The following PTPRT variants were observed in gnomAD, a reference collection of about 807,000 sequenced individuals.
The protein encoded by PTPRT is receptor-type tyrosine-protein phosphatase T.
A neutral mutation model predicts 176.8 loss-of-function variants in PTPRT; 56 were observed. The observed-to-expected ratio is 0.32, with a 90% confidence interval of 0.26 to 0.40. PTPRT has a LOEUF of 0.40. Among genes scored for constraint, PTPRT ranks in the 10% least tolerant of loss-of-function variants. PTPRT has a pLI of 1.00. For missense variants in PTPRT, 1,540 were observed against 1,908.2 expected (o/e 0.81, Z 3.60); for synonymous variants, 783 against 739.0 (o/e 1.06, Z -0.96).
chr20:42,206,590 C>A (rs571244171), intron 15 of PTPRT, among the ~76,000 whole-genome samples: 5 of 152,224 alleles, frequency 3.3e-5, no homozygotes, highest in African/African-American at 1.2e-4. Context: ...TAAAAAACGG[C>A]GAACCACGAG....
At position 42,702,623 on chromosome 20, in the gene PTPRT, C is replaced by T. The variant is rs558896935; in HGVS notation, c.860-24464G>A. Among the ~76,000 whole-genome samples the T allele has an allele frequency of 5.3e-5, 8 of 152,288 alleles. No individual in the cohort carries two copies. In the East Asian group the frequency reaches 9.7e-4, roughly 18 times the overall value. Reference sequence around the variant, plus strand: ...CCGTCCAGCACCCCTGGGAGGGCTGCCCTGTGTCCTGTAATGAATGCAGGC... The same window carrying T: ...CCGTCCAGCACCCCTGGGAGGGCTGTCCTGTGTCCTGTAATGAATGCAGGC... On this transcript the variant is annotated intron_variant, in intron 6 of 30. Transcript: ENST00000373187.
chr20:42,041,570 A>G, the PTPRT span, among the ~76,000 whole-genome samples: 1 of 152,198 alleles, frequency 6.6e-6, no homozygotes, highest in African/African-American at 2.4e-5. Flanking sequence ...ACTTTTACGT[A>G]TATTAAAAGG....
chr20:42,837,576 C>T (rs1205916797), intron 2 of PTPRT, among the ~76,000 whole-genome samples: 1 of 152,200 alleles, frequency 6.6e-6, no homozygotes, highest in Non-Finnish European at 1.5e-5. Flanking sequence ...CAGCTCATGC[C>T]TACCAAGGCA....
At chr20:42,538,871 T>C (rs955541700) in intron 7 of PTPRT, among the ~76,000 whole-genome samples, 1 of 152,224 alleles carries the variant, frequency 6.6e-6, no homozygotes, top group African/African-American at 2.4e-5. Flanking sequence ...ATGTTGTTTG[T>C]GCACTGTAAT....
intron 6 of PTPRT, among the ~76,000 whole-genome samples, chr20:42,748,883 G>T (rs73095879): frequency 0.39 from 59,730 of 151,844 alleles, 12,472 homozygotes; most frequent in Non-Finnish European, 0.46. Flanking sequence ...GCTCCAGACG[G>T]TCACAGCAGT....
At chr20:42,805,029 G>C (rs978852524) in intron 2 of PTPRT, among the ~76,000 whole-genome samples, 2 of 152,126 alleles carry the variant, frequency 1.3e-5, no homozygotes, top group Non-Finnish European at 2.9e-5. Flanking sequence ...GCTTTCTAGA[G>C]CCCTACTGTG....
chr20:42,889,073 T>G (rs1179372832), intron 1 of PTPRT, among the ~76,000 whole-genome samples: 2 of 152,100 alleles, frequency 1.3e-5, no homozygotes, highest in African/African-American at 4.8e-5. Flanking sequence ...TTGGATCCAT[T>G]GCCCACCCCT....
intron 9 of PTPRT, among the ~76,000 whole-genome samples, chr20:42,373,592 G>T (rs1457290923): frequency 2.6e-5 from 4 of 152,122 alleles, no homozygotes; most frequent in Non-Finnish European, 5.9e-5. Flanking sequence ...TGAACCTGTT[G>T]ATACCAATAT....
intron 1 of PTPRT, among the ~76,000 whole-genome samples, chr20:43,116,517 C>T (rs2013064206): frequency 6.6e-6 from 1 of 152,132 alleles, no homozygotes; most frequent in Non-Finnish European, 1.5e-5. Context: ...AGCAAAATAG[C>T]AATGTCCTTT....
chr20:42,340,031 C>T (rs1386336968), intron 11 of PTPRT, among the ~76,000 whole-genome samples: 1 of 152,164 alleles, frequency 6.6e-6, no homozygotes, highest in Non-Finnish European at 1.5e-5. Context: ...TTCTTACCAA[C>T]CTTCTTAGGG....
intron 1 of PTPRT, among the ~76,000 whole-genome samples, chr20:43,051,295 GT>G (rs1987032104): frequency 6.6e-6 from 1 of 152,110 alleles, no homozygotes; most frequent in Non-Finnish European, 1.5e-5. Context: ...CTAAAGCCTG[GT>G]AAGTAAGTTA....
At chr20:42,282,960 AC>A (rs2057165217) in intron 12 of PTPRT, among the ~76,000 whole-genome samples, 1 of 152,212 alleles carries the variant, frequency 6.6e-6, no homozygotes, top group Non-Finnish European at 1.5e-5. Context: ...ACATGCATAG[AC>A]GGGAAGAGAT....
intron 15 of PTPRT, among the ~76,000 whole-genome samples, chr20:42,235,335 T>C (rs2056220563): frequency 6.6e-6 from 1 of 151,998 alleles, no homozygotes. Flanking sequence ...CGATTTTGGC[T>C]CACTACAACC....
intron 2 of PTPRT, among the ~76,000 whole-genome samples, chr20:42,885,183 A>G (rs984909279): frequency 6.8e-6 from 1 of 147,476 alleles, no homozygotes. Flanking sequence ...TAATAATATG[A>G]CCTTATAAAA....
chr20:42,527,556 G>A lies in PTPRT; in HGVS notation c.1154-54994C>T, dbSNP rs190219918. Among the ~76,000 whole-genome samples, 6 of 152,220 alleles carry A rather than the reference G, an allele frequency of 3.9e-5. No homozygotes were observed. In the East Asian group the frequency reaches 9.7e-4, roughly 24 times the overall value. ...TCTTCCTAGTTTTACCACAGCACTT[G>A]CATTTCCTTTTCTGATTTTTCTTCT... is the stretch of plus-strand genomic sequence containing the variant. On this transcript the variant is annotated intron_variant, in intron 7 of 30. Transcript: ENST00000373187.
intron 9 of PTPRT, among the ~76,000 whole-genome samples, chr20:42,377,672 G>C (rs2058664392): frequency 6.6e-6 from 1 of 152,080 alleles, no homozygotes; most frequent in Non-Finnish European, 1.5e-5. Context: ...CCTAACAAAC[G>C]ACCTCAACCT....
chr20:42,120,145 T>C (rs1987511796), intron 19 of PTPRT, among the ~76,000 whole-genome samples, 174 bp from the exon 20 acceptor site: 1 of 152,156 alleles, frequency 6.6e-6, no homozygotes, highest in East Asian at 1.9e-4. Flanking sequence ...ATAAAGTGTG[T>C]AGTAAGTCAC....
At chr20:42,955,819 G>GGGAGGGAGGGAGGGAGAA (rs1981591864) in intron 1 of PTPRT, among the ~76,000 whole-genome samples, 1 of 149,082 alleles carries the variant, frequency 6.7e-6, no homozygotes, top group African/African-American at 2.5e-5. Flanking sequence ...GAAGGAGGGA[G>GGGAGGGAGGGAGGGAGAA]GGAGGGAGTG....
intron 6 of PTPRT, among the ~76,000 whole-genome samples, chr20:42,719,898 A>T (rs1328801944): frequency 1.3e-5 from 2 of 152,224 alleles, no homozygotes; most frequent in African/African-American, 4.8e-5. Flanking sequence ...AGAAAGACAC[A>T]TCTGACAAAG....
Sources: allele counts gnomAD v4.1 joint callset (sites outside exome capture counted in the v4.1 genomes callset), GRCh38; gene constraint gnomAD v4.1.1; transcripts MANE v1.5; gene names NCBI Gene and HGNC (gene_info 2026-07-23, HGNC 2026-07-21).